The following FSTL5 variants were observed in gnomAD, a reference collection of about 807,000 sequenced individuals.
FSTL5 encodes follistatin-related protein 5.
FSTL5 carries 62 observed loss-of-function variants against 89.1 expected under a neutral mutation model. The ratio of observed to expected loss-of-function variants is 0.70; its 90% confidence interval spans 0.57 to 0.86. The LOEUF is 0.86. Among genes scored for constraint, FSTL5 ranks in the 40% least tolerant of loss-of-function variants. FSTL5 has a pLI of 0.00. For missense variants in FSTL5, 1,057 were observed against 1,001.6 expected, an observed-to-expected ratio of 1.06 and a Z score of -0.75; for synonymous variants, 383 against 346.2, an observed-to-expected ratio of 1.11 and a Z score of -1.18.
At chr4:161,838,400 A>C (rs565916840) in intron 4 of FSTL5, among the ~76,000 whole-genome samples, 1 of 151,930 alleles carries the variant, frequency 6.6e-6, no homozygotes, top group Non-Finnish European at 1.5e-5. Context: ...TGCCTCAGTA[A>C]CTCTGCCGAG....
intron 4 of FSTL5, among the ~76,000 whole-genome samples, chr4:161,808,920 A>G (rs1285359161): frequency 3.9e-5 from 6 of 152,180 alleles, no homozygotes; most frequent in African/African-American, 4.8e-5. Flanking sequence ...ATTATTCATT[A>G]AAGAAACGTA....
intron 12 of FSTL5, among the ~76,000 whole-genome samples, chr4:161,490,854 G>A (rs1578874245): frequency 6.6e-6 from 1 of 151,872 alleles, no homozygotes; most frequent in Non-Finnish European, 1.5e-5. Context: ...AAATAATATT[G>A]GACAAAGAAT....
At chr4:161,612,393 T>C (rs1285408405) in intron 7 of FSTL5, among the ~76,000 whole-genome samples, 1 of 152,198 alleles carries the variant, frequency 6.6e-6, no homozygotes, top group Non-Finnish European at 1.5e-5. Context: ...AAAATAAAGT[T>C]AGTGGCAGTT....
intron 3 of FSTL5, among the ~76,000 whole-genome samples, chr4:161,997,367 CAT>C (rs1736325450): frequency 6.6e-6 from 1 of 152,110 alleles, no homozygotes; most frequent in Non-Finnish European, 1.5e-5. Flanking sequence ...GAGGAGGAAA[CAT>C]GAGATGCACA....
At chr4:161,636,697 G>A (rs1021785990) in intron 7 of FSTL5, among the ~76,000 whole-genome samples, 1 of 147,868 alleles carries the variant, frequency 6.8e-6, no homozygotes, top group Non-Finnish European at 1.5e-5. Context: ...CCACCTATGA[G>A]TGAGAATATG....
intron 7 of FSTL5, among the ~76,000 whole-genome samples, chr4:161,630,386 G>T (rs1259303837): frequency 6.6e-6 from 1 of 152,174 alleles, no homozygotes; most frequent in African/African-American, 2.4e-5. Context: ...ATGGCACCTG[G>T]CAGTACAGCT....
At chr4:161,812,901 A>T (rs2126841345) in intron 4 of FSTL5, among the ~76,000 whole-genome samples, 1 of 150,284 alleles carries the variant, frequency 6.7e-6, no homozygotes, top group African/African-American at 2.4e-5. Flanking sequence ...AAAAAAAAAA[A>T]AAAAAAGATT....
intron 13 of FSTL5, among the ~76,000 whole-genome samples, chr4:161,460,316 G>T (rs1578990413): frequency 1.3e-5 from 2 of 150,320 alleles, no homozygotes; most frequent in African/African-American, 4.9e-5. Flanking sequence ...GTATACATGT[G>T]CCATGTTGGT....
At chr4:162,103,772 G>A (rs1393741615) in intron 2 of FSTL5, among the ~76,000 whole-genome samples, 5 of 152,166 alleles carry the variant, frequency 3.3e-5, no homozygotes, top group Non-Finnish European at 7.4e-5. Context: ...GAAGGTGACA[G>A]CATCCACCTT....
intron 6 of FSTL5, among the ~76,000 whole-genome samples, chr4:161,688,006 G>C (rs1737803034): frequency 6.6e-6 from 1 of 152,184 alleles, no homozygotes; most frequent in Non-Finnish European, 1.5e-5. Context: ...CTGGCACCTT[G>C]ATCTTTTGCA....
At chr4:161,743,888 G>A (rs1185563363) in intron 6 of FSTL5, among the ~76,000 whole-genome samples, 1 of 152,118 alleles carries the variant, frequency 6.6e-6, no homozygotes, top group Non-Finnish European at 1.5e-5. Context: ...ATCTGCAATC[G>A]TGTTTTAGCT....
intron 1 of FSTL5, among the ~76,000 whole-genome samples, chr4:162,151,591 A>G (rs893194051): frequency 9.2e-5 from 14 of 152,160 alleles, no homozygotes; most frequent in Admixed American, 3.3e-4. Flanking sequence ...TATACTTGGC[A>G]TCTTGTCACA....
At chr4:161,645,458 AC>A (rs773500163) in intron 7 of FSTL5, among the ~76,000 whole-genome samples, 2 of 152,096 alleles carry the variant, frequency 1.3e-5, no homozygotes, top group East Asian at 1.9e-4. Flanking sequence ...ATGAATAAAG[AC>A]CTTTAAAAAT....
intron 4 of FSTL5, among the ~76,000 whole-genome samples, chr4:161,777,445 G>A (rs1353199307): frequency 6.6e-6 from 1 of 151,936 alleles, no homozygotes; most frequent in Non-Finnish European, 1.5e-5. Context: ...TGGTGGGAAT[G>A]TAAATTAGTA....
At chr4:161,796,861 C>T (rs1399656604) in intron 4 of FSTL5, among the ~76,000 whole-genome samples, 3 of 151,468 alleles carry the variant, frequency 2.0e-5, no homozygotes, top group Non-Finnish European at 4.4e-5. Flanking sequence ...TTCTCAAAGT[C>T]ATAAGTTGAG....
chr4:162,119,230 TA>T (rs35645704), intron 1 of FSTL5, among the ~76,000 whole-genome samples: 246 of 142,406 alleles, frequency 1.7e-3, no homozygotes, highest in Non-Finnish European at 1.7e-3. Flanking sequence ...CTATCTCTCT[TA>T]AAAAAAAAAA....
intron 4 of FSTL5, among the ~76,000 whole-genome samples, chr4:161,868,280 T>C (rs370086450): frequency 6.6e-6 from 1 of 152,328 alleles, no homozygotes; most frequent in African/African-American, 2.4e-5. Flanking sequence ...TTTCCTCTTT[T>C]TATTTTTTCC....
chr4:161,809,603 G>A (rs774617936), intron 4 of FSTL5, among the ~76,000 whole-genome samples: 2 of 152,152 alleles, frequency 1.3e-5, no homozygotes, highest in African/African-American at 4.8e-5. Context: ...GTGGGTCAAT[G>A]GATAAACAAA....
chr4:161,793,099 A>C (rs1388634654), intron 4 of FSTL5, among the ~76,000 whole-genome samples: 1 of 152,214 alleles, frequency 6.6e-6, no homozygotes, highest in Non-Finnish European at 1.5e-5. Flanking sequence ...TGTGCAGTAC[A>C]TCTGCTCCAG....
Sources: gnomAD v4.1 joint callset for allele counts (sites outside exome capture counted in the v4.1 genomes callset) on GRCh38, gnomAD v4.1.1 for gene constraint, MANE v1.5 for transcripts, NCBI Gene and HGNC (gene_info 2026-07-23, HGNC 2026-07-21) for gene names.